POLN: variants seen among roughly 807,000 people sequenced by gnomAD.
POLN encodes the protein DNA polymerase N.
In POLN, 108 loss-of-function variants were observed where a neutral mutation model predicts 113.5. The ratio of observed to expected loss-of-function variants is 0.95; its 90% CI spans 0.81 to 1.12. The LOEUF is 1.12. POLN is among the 50% of genes most tolerant of loss of function. The probability of loss-of-function intolerance (pLI) is 0.00; values close to 1 mark genes in which losing one functional copy is unlikely to be tolerated. For synonymous variants in POLN, 386 were observed against 391.5 expected (o/e 0.99, Z 0.17); for missense variants, 1,097 against 1,077.1 (o/e 1.02, Z -0.26).
chr4:2,194,856 C>T (rs1733536209), intron 6 of POLN, among the ~76,000 whole-genome samples: 1 of 151,922 alleles, frequency 6.6e-6, no homozygotes, highest in African/African-American at 2.4e-5. Context: ...ATGATCACAA[C>T]CACTGCACTC....
At chr4:2,175,605 A>T (rs1450127997) in intron 9 of POLN, among the ~76,000 whole-genome samples, 2 of 152,094 alleles carry the variant, frequency 1.3e-5, no homozygotes, top group Non-Finnish European at 2.9e-5. Context: ...CATGAGTCTC[A>T]TTGTTTTTAG....
intron 19 of POLN, among the ~76,000 whole-genome samples, chr4:2,114,525 C>G (rs1412011658): frequency 6.6e-6 from 1 of 152,198 alleles, no homozygotes; most frequent in East Asian, 1.9e-4. Context: ...ATTCTACATT[C>G]TCTAAGTGTT....
intron 2 of POLN, chr4:2,239,919 G>T: frequency 1.3e-6 from 1 of 780,466 alleles, no homozygotes; most frequent in Non-Finnish European, 2.1e-6. Flanking sequence ...ACTGAACAAA[G>T]AAAATAAAAT....
At chr4:2,074,016 G>T (rs1242390776) in intron 24 of POLN, among the ~76,000 whole-genome samples, 2 of 152,242 alleles carry the variant, frequency 1.3e-5, no homozygotes, top group Admixed American at 1.3e-4. Flanking sequence ...ATGGGGGCGA[G>T]GCTGGAGAGC....
Position 2,085,660 on chromosome 4 carries a change from T to C in POLN, c.2150A>G (p.Lys717Arg). 1 of 1,614,140 alleles carries C rather than the reference T, an allele frequency of 6.2e-7. No individual in the cohort carries two copies. The highest frequency in any genetic ancestry group is 8.5e-7 in the Non-Finnish European group (1 of 1,180,038). ...AGCTGCTCGGGCGAAGTCCTTGATT[T>C]TCTTGTACTTCTGCAAAAAACTCTC... is the stretch of plus-strand genomic sequence containing the variant. ...FLESFLQKYK[K>R]IKDFARAAIA... The change falls in exon 21 of 26, where the codon AAA becomes AGA. Residue 717 changes from lysine (K) to arginine (R), a missense_variant. Lys to Arg is a conservative substitution (Grantham distance 26). Coordinates refer to ENST00000511885, the MANE Select transcript of POLN (RefSeq NM_181808.4).
chr4:2,156,601 G>A (rs919743690), intron 16 of POLN, 187 bp downstream of exon 16: 1 of 660,160 alleles, frequency 1.5e-6, no homozygotes, highest in African/African-American at 1.8e-5. Context: ...AGCACTTCAT[G>A]AGAAGAGAAC....
intron 5 of POLN, among the ~76,000 whole-genome samples, chr4:2,206,533 A>G (rs773546015): frequency 6.6e-6 from 1 of 152,144 alleles, no homozygotes; most frequent in Non-Finnish European, 1.5e-5. Context: ...ATCTACAATG[A>G]CTCAAACAAA....
At chr4:2,152,654 A>C (rs1030793527) in intron 16 of POLN, among the ~76,000 whole-genome samples, 1 of 152,140 alleles carries the variant, frequency 6.6e-6, no homozygotes, top group Non-Finnish European at 1.5e-5. Context: ...TGTAACCTAC[A>C]TAGTATTTTC....
chr4:2,145,947 CGTCT>C (rs1732127605), intron 16 of POLN, among the ~76,000 whole-genome samples: 1 of 151,902 alleles, frequency 6.6e-6, no homozygotes. Context: ...TTTAGAGCTA[CGTCT>C]GTCAACACAG....
In POLN at chr4:2,149,631, A is replaced by G. The variant is rs77385107; in HGVS notation, c.1731+7157T>C. On this transcript the variant is annotated intron_variant, in intron 16 of 25. Coordinates refer to ENST00000511885, the MANE Select transcript of POLN (RefSeq NM_181808.4). Reference sequence around the variant, plus strand: ...GCAAGACCCATCTCTAAAAAAAATTAAGAAGTTAGCCAGGCACAGTGGCAT... The same window carrying G: ...GCAAGACCCATCTCTAAAAAAAATTGAGAAGTTAGCCAGGCACAGTGGCAT... Among the ~76,000 whole-genome samples the G allele has an allele frequency of 1.5e-3, 224 of 152,242 alleles. 2 individuals are homozygous for G. The highest frequency in any genetic ancestry group is 4.9e-3 in the African/African-American group (205 of 41,526).
At chr4:2,236,057 A>T (rs1734753010) in intron 2 of POLN, among the ~76,000 whole-genome samples, 1 of 152,250 alleles carries the variant, frequency 6.6e-6, no homozygotes, top group South Asian at 2.1e-4. Context: ...CATCAAAACT[A>T]TCTGAAAAAC....
At chr4:2,121,707 T>C (rs1159260723) in intron 19 of POLN, among the ~76,000 whole-genome samples, 1 of 152,122 alleles carries the variant, frequency 6.6e-6, no homozygotes, top group Non-Finnish European at 1.5e-5. Context: ...TCATTCCTGA[T>C]ATTGATGATT....
chr4:2,158,464 A>G (rs1478870849), intron 14 of POLN, among the ~76,000 whole-genome samples: 1 of 152,160 alleles, frequency 6.6e-6, no homozygotes, highest in Non-Finnish European at 1.5e-5. Context: ...GAAATTTGCA[A>G]AGATAAACAG....
rs184544204 is a variant in POLN, at chr4:2,160,972, G to A, written c.1555-1761C>T. On this transcript the variant is annotated intron_variant, in intron 13 of 25. Transcript: ENST00000511885. ...GGGTCAAGATGCACTGGCCCTTTATGTAACAAGCCCTCCTTACTTAATGCT... is the reference window on the plus strand; with the variant it reads ...GGGTCAAGATGCACTGGCCCTTTATATAACAAGCCCTCCTTACTTAATGCT... Among the ~76,000 whole-genome samples, 485 of 152,314 alleles carry A rather than the reference G, an allele frequency of 3.2e-3. 2 individuals are homozygous for A. The highest frequency in any genetic ancestry group is 0.011 in the African/African-American group (470 of 41,564).
At chr4:2,072,763 G>A (rs969616622) in intron 25 of POLN, among the ~76,000 whole-genome samples, 2 of 152,148 alleles carry the variant, frequency 1.3e-5, no homozygotes, top group African/African-American at 4.8e-5. Context: ...AGCCCCGGCT[G>A]CCGTCCCTGT....
chr4:2,219,097 A>G (rs1734190448), intron 3 of POLN, among the ~76,000 whole-genome samples: 1 of 152,162 alleles, frequency 6.6e-6, no homozygotes, highest in Non-Finnish European at 1.5e-5. Context: ...AGGAGCCAGT[A>G]CCTGAGGGTT....
At chr4:2,240,247 T>C (rs1274431045) in intron 2 of POLN, 1 of 1,613,694 alleles carries the variant, frequency 6.2e-7, no homozygotes, top group East Asian at 2.2e-5. Flanking sequence ...TTGTCTTCAT[T>C]TGAACTTTCA....
At position 2,128,096 on chromosome 4, in the gene POLN, G is replaced by A. The variant is rs755531807; in HGVS notation, c.1982+17C>T. 17 of 1,454,278 alleles carry A rather than the reference G, an allele frequency of 1.2e-5. No individual in the cohort carries two copies. Among genetic ancestry groups the A allele is most frequent in the Non-Finnish European group, 4.8e-6 (5 of 1,036,220 alleles). 90.1% of individuals were successfully genotyped at this position (1,454,278 alleles called of 1,614,324 possible). On this transcript the variant is annotated intron_variant, in intron 19 of 25. Coordinates refer to ENST00000511885, the MANE Select transcript of POLN (RefSeq NM_181808.4). Reference sequence around the variant, plus strand: ...CTTCCTGCAGATCTGATAATATTGTGAGTTCATATATCTTACCACTGTGAA... The same window carrying A: ...CTTCCTGCAGATCTGATAATATTGTAAGTTCATATATCTTACCACTGTGAA...
At chr4:2,196,044 T>A (rs370939604) in intron 6 of POLN, among the ~76,000 whole-genome samples, 7 of 152,108 alleles carry the variant, frequency 4.6e-5, no homozygotes, top group African/African-American at 1.4e-4. Context: ...GACAACCCAA[T>A]TGCATCACTA....
Sources: allele counts gnomAD v4.1 joint callset (sites outside exome capture counted in the v4.1 genomes callset), GRCh38; gene constraint gnomAD v4.1.1; transcripts MANE v1.5; gene names NCBI Gene and HGNC (gene_info 2026-07-23, HGNC 2026-07-21).